FANK1: variants seen among roughly 807,000 people sequenced by gnomAD.
FANK1 encodes the protein fibronectin type III and ankyrin repeat domains 1.
Under a neutral mutation model 45.3 loss-of-function variants are expected in FANK1, and 44 were observed. That is an observed-to-expected ratio of 0.97 (90% CI 0.76 to 1.25). The LOEUF is 1.25. FANK1 is among the 50% of genes most tolerant of loss of function. FANK1 has a pLI of 0.00. For missense variants in FANK1, 391 were observed against 424.4 expected (o/e 0.92, Z 0.69); for synonymous variants, 149 against 152.5 (o/e 0.98, Z 0.17).
rs770696234 is a variant in FANK1 at position 125,996,584 on chromosome 10, T to C, written c.433T>C (p.Phe145Leu). The change falls in exon 5 of 11, where the codon TTT becomes CTT. Residue 145 changes from phenylalanine to leucine, a missense_variant. Transcript: ENST00000368693. ...GGTTGATGTTCCCAATAAGTTTGGCTTTACCGCTCTGATGGTTGCTGCCCA... is the reference window on the plus strand; with the variant it reads ...GGTTGATGTTCCCAATAAGTTTGGCCTTACCGCTCTGATGGTTGCTGCCCA... ...VKVDVPNKFG[F>L]TALMVAAQKG... 1.9e-6 allele frequency: 3 copies of C among 1,614,218 alleles called. No homozygotes were observed. Among genetic ancestry groups the C allele is most frequent in the South Asian group, 2.2e-5 (2 of 91,088 alleles).
intron 3 of FANK1, among the ~76,000 whole-genome samples, chr10:125,990,172 A>G (rs1951831526): frequency 6.6e-6 from 1 of 152,138 alleles, no homozygotes; most frequent in African/African-American, 2.4e-5. Context: ...CTTGCATCTT[A>G]AGTATTTGTC....
At chr10:125,979,724 C>T in intron 1 of FANK1, 2 of 370,218 alleles carry the variant, frequency 5.4e-6, no homozygotes, top group Admixed American at 3.1e-5. Context: ...TGGTTAGTTT[C>T]TGAGGGCTGT....
chr10:125,955,633 A>C (rs1269651238), intron 1 of FANK1, among the ~76,000 whole-genome samples: 4 of 152,088 alleles, frequency 2.6e-5, no homozygotes, highest in Admixed American at 1.3e-4. Context: ...GGTGTATGCC[A>C]CCACACCCAG....
intron 3 of FANK1, among the ~76,000 whole-genome samples, chr10:125,993,010 C>CT (rs1952051188): frequency 6.6e-6 from 1 of 152,148 alleles, no homozygotes; most frequent in Non-Finnish European, 1.5e-5. Flanking sequence ...TCATGGAAGA[C>CT]TTGGCCTTGG....
rs114651843 is a variant in FANK1 at position 126,002,841 on chromosome 10, C to T, written c.540-2043C>T. ...TAGCATAACCCTTCACCCCTCAATA[C>T]GTCAGAAAATGTTTCCTAAAAACAC... On this transcript the variant is annotated intron_variant, in intron 6 of 10. Transcript: ENST00000368693. Among the ~76,000 whole-genome samples the T allele has an allele frequency of 6.7e-3, 939 of 140,756 alleles. 11 individuals are homozygous for T. Among genetic ancestry groups the T allele is most frequent in the African/African-American group, 0.022 (846 of 38,730 alleles). 92.3% of individuals were successfully genotyped at this position (140,756 alleles called of 152,430 possible). A position where few individuals can be genotyped will look rare whatever the true frequency, so the allele number is the denominator to read the frequency against.
chr10:125,962,562 CATTG>C (rs938693461), intron 1 of FANK1, among the ~76,000 whole-genome samples: 1 of 152,078 alleles, frequency 6.6e-6, no homozygotes, highest in African/African-American at 2.4e-5. Context: ...TATTTCTTTT[CATTG>C]ATTGATACAG....
At chr10:125,929,673 C>G (rs947554406) in intron 1 of FANK1, among the ~76,000 whole-genome samples, 1 of 152,076 alleles carries the variant, frequency 6.6e-6, no homozygotes. Context: ...AACAGTGGAG[C>G]GTGTGCAGGT....
chr10:125,978,898 C>T (rs1351181435), intron 1 of FANK1, among the ~76,000 whole-genome samples: 1 of 152,244 alleles, frequency 6.6e-6, no homozygotes, highest in Non-Finnish European at 1.5e-5. Context: ...TAACCTCTCA[C>T]TTTGCCAGAG....
Position 125,918,556 on chromosome 10 carries a change from C to CAAAAAAAAAAAAA in FANK1, c.13+21919_13+21931dup, listed in dbSNP as rs1156446362. Among the ~76,000 whole-genome samples the CAAAAAAAAAAAAA allele has an allele frequency of 5.6e-4, 4 of 7,102 alleles. 1 individual carries two copies. The highest frequency in any genetic ancestry group is 6.0e-4 in the Non-Finnish European group (2 of 3,324). The allele number at this position is 7,102 out of a possible 152,430, so 4.7% of individuals were successfully genotyped here. ...CTGGTGACAGAGCAAGCCTCTGTCTCAAAAAAAAAAAAAAAAAAAAAAAAA... is the reference window on the plus strand; with the variant it reads ...CTGGTGACAGAGCAAGCCTCTGTCTCAAAAAAAAAAAAAAAAAAAAAAAAAAAAAAAAAAAAAA... On this transcript the variant is annotated intron_variant, in intron 1 of 10. Transcript: ENST00000368693.
intron 1 of FANK1, among the ~76,000 whole-genome samples, chr10:125,897,996 T>TAAAAAAAAAAAAAA (rs1944701514): frequency 2.3e-4 from 1 of 4,444 alleles, no homozygotes; most frequent in Non-Finnish European, 4.0e-4. Context: ...TCTACTAAAA[T>TAAAAAAAAAAAAAA]ACAAAAAAAA....
chr10:125,913,594 G>T (rs569638031), intron 1 of FANK1, among the ~76,000 whole-genome samples: 3 of 152,120 alleles, frequency 2.0e-5, no homozygotes, highest in Admixed American at 6.5e-5. Context: ...TGTTAACTTT[G>T]AGTTAATTTT....
At chr10:125,989,935 C>G (rs1032305407) in intron 3 of FANK1, among the ~76,000 whole-genome samples, 2 of 152,180 alleles carry the variant, frequency 1.3e-5, no homozygotes, top group African/African-American at 2.4e-5. Context: ...TTTCTGCTCC[C>G]TCCCATCCTC....
chr10:125,907,688 T>C (rs1029451958), intron 1 of FANK1, among the ~76,000 whole-genome samples: 9 of 151,942 alleles, frequency 5.9e-5, no homozygotes, highest in African/African-American at 2.2e-4. Flanking sequence ...GATAGACATA[T>C]TGCTAGCATG....
chr10:125,914,393 T>G (rs2134119544), intron 1 of FANK1, among the ~76,000 whole-genome samples: 1 of 152,048 alleles, frequency 6.6e-6, no homozygotes, highest in East Asian at 1.9e-4. Context: ...CTGCTCACGC[T>G]GTCACCAGCA....
At chr10:125,936,638 G>A (rs959671703) in intron 1 of FANK1, among the ~76,000 whole-genome samples, 4 of 152,108 alleles carry the variant, frequency 2.6e-5, no homozygotes, top group Non-Finnish European at 4.4e-5. Context: ...CCAACATTAT[G>A]TTTGTAAGAT....
At chr10:125,918,345 C>T (rs1290081644) in intron 1 of FANK1, among the ~76,000 whole-genome samples, 1 of 151,926 alleles carries the variant, frequency 6.6e-6, no homozygotes, top group Non-Finnish European at 1.5e-5. Flanking sequence ...ATCACGAGGT[C>T]AAGAGATCAA....
At chr10:125,942,463 T>C (rs1438250503) in intron 1 of FANK1, among the ~76,000 whole-genome samples, 2 of 152,186 alleles carry the variant, frequency 1.3e-5, no homozygotes, top group Admixed American at 1.3e-4. Context: ...TTAGAGTTTT[T>C]TCCCCAATCT....
intron 1 of FANK1, among the ~76,000 whole-genome samples, chr10:125,952,231 G>A (rs1289346272): frequency 6.6e-6 from 1 of 151,812 alleles, no homozygotes; most frequent in Non-Finnish European, 1.5e-5. Flanking sequence ...TTATAATTAT[G>A]TACACTATTT....
In FANK1 at chr10:125,995,533, A is replaced by G. The variant is rs760423814; in HGVS notation, c.398+35A>G. 13 of 1,593,106 alleles carry G rather than the reference A, an allele frequency of 8.2e-6. No individual in the cohort carries two copies. In the Admixed American group the frequency reaches 1.0e-4, roughly 12 times the overall value. ...CTCTGTCAGTTGTTTTTTTTCCCCCATGCCTATAAAGTGCATAGAAATACA... is the reference window on the plus strand; with the variant it reads ...CTCTGTCAGTTGTTTTTTTTCCCCCGTGCCTATAAAGTGCATAGAAATACA... On this transcript the variant is annotated intron_variant, in intron 4 of 10. Transcript: ENST00000368693.
Sources: gnomAD v4.1 joint callset for allele counts (sites outside exome capture counted in the v4.1 genomes callset) on GRCh38, gnomAD v4.1.1 for gene constraint, MANE v1.5 for transcripts, NCBI Gene and HGNC (gene_info 2026-07-23, HGNC 2026-07-21) for gene names.